Variants in NXF1 observed in about 807,000 individuals in gnomAD.
NXF1 encodes nuclear RNA export factor 1, also known as mRNA export factor TAP.
In NXF1, 43 loss-of-function variants were observed where a neutral mutation model predicts 92.4. The observed-to-expected ratio is 0.47, with a 90% CI of 0.36 to 0.60. NXF1 has a LOEUF of 0.60. Ranked by LOEUF, NXF1 falls within the 20% of genes least tolerant of loss-of-function variation. The pLI is 0.00. For missense variants in NXF1, 576 were observed against 793.0 expected (o/e 0.73, Z 3.29); for synonymous variants, 288 against 292.2 (o/e 0.99, Z 0.15).
chr11:62,797,122 G>T, intron 13 of NXF1, 61 bp downstream of exon 13: 1 of 1,385,088 alleles, frequency 7.2e-7, no homozygotes, highest in African/African-American at 1.4e-5. Flanking sequence ...ATGTGTGCCT[G>T]GGTCTGCCCA....
At chr11:62,798,833 G>C (rs1003030280) in intron 10 of NXF1, 1 of 1,292,608 alleles carries the variant, frequency 7.7e-7, no homozygotes, top group African/African-American at 1.5e-5. Context: ...TCCAAGCCCA[G>C]GCTTTAAGCC....
At chr11:62,805,163 G>A (rs2134785814) in intron 1 of NXF1, 166 bp downstream of exon 1, 2 of 503,946 alleles carry the variant, frequency 4.0e-6, no homozygotes, top group Non-Finnish European at 3.2e-6. Context: ...CAGGAATCCA[G>A]GAGTCAACAA....
intron 18 of NXF1, 35 bp downstream of exon 18, chr11:62,794,900 G>A (rs1156471377): frequency 1.3e-6 from 2 of 1,595,128 alleles, no homozygotes; most frequent in Admixed American, 3.3e-5. Flanking sequence ...CCATGGATTA[G>A]GACTGGTATC....
At chr11:62,795,651 C>T (rs951518691) in intron 17 of NXF1, among the ~76,000 whole-genome samples, 3 of 152,146 alleles carry the variant, frequency 2.0e-5, no homozygotes, top group Admixed American at 1.3e-4. Context: ...TCCACAGCCC[C>T]GCACAACCAA....
Position 62,805,404 on chromosome 11 carries a change from G to GCAAACAACCT in NXF1, c.-58_-49dup. On this transcript the variant is annotated 5_prime_UTR_variant, in exon 1 of 21. Transcript: ENST00000294172. ...GGCTCAGGCGCTGGCCGCTACGCCG[G>GCAAACAACCT]CAAACAACCTAACTCCCAAGCGCTC... 1 of 1,606,730 alleles carries GCAAACAACCT rather than the reference G, an allele frequency of 6.2e-7. No individual in the cohort carries two copies. Among genetic ancestry groups the GCAAACAACCT allele is most frequent in the Non-Finnish European group, 8.5e-7 (1 of 1,176,908 alleles).
At chr11:62,793,663 T>A (rs1485834660) in intron 19 of NXF1, among the ~76,000 whole-genome samples, 1 of 135,998 alleles carries the variant, frequency 7.4e-6, no homozygotes, top group African/African-American at 2.8e-5. Context: ...GGCATCAGAG[T>A]GAGACCCTGT....
chr11:62,805,415 A>T lies in NXF1; in HGVS notation c.-59T>A. On this transcript the variant is annotated 5_prime_UTR_variant, in exon 1 of 21. Transcript: ENST00000294172. Reference sequence around the variant, plus strand: ...TGGCCGCTACGCCGGCAAACAACCTAACTCCCAAGCGCTCAGGACCGAAGT... The same window carrying T: ...TGGCCGCTACGCCGGCAAACAACCTTACTCCCAAGCGCTCAGGACCGAAGT... 5 of 1,604,682 alleles carry T rather than the reference A, an allele frequency of 3.1e-6. No homozygotes were observed. The highest frequency in any genetic ancestry group is 4.3e-6 in the Non-Finnish European group (5 of 1,175,902).
intron 18 of NXF1, 107 bp from the exon 19 acceptor site, chr11:62,794,547 C>A: frequency 1.0e-6 from 1 of 964,786 alleles, no homozygotes; most frequent in South Asian, 1.6e-5. Context: ...CCCTCCCACT[C>A]TTAGCTATTG....
At chr11:62,799,927 G>GCCATCACAGTACAAAGGAGGGAAGGC in intron 10 of NXF1, 2 of 990,676 alleles carry the variant, frequency 2.0e-6, no homozygotes, top group South Asian at 9.1e-5. Context: ...GGCAAGAGGG[G>GCCATCACAGTACAAAGGAGGGAAGGC]CCATCACAGT....
Position 62,805,222 on chromosome 11 carries a change from G to T in NXF1, c.28+107C>A, listed in dbSNP as rs2084523069. The T allele has an allele frequency of 9.1e-6, 10 of 1,100,160 alleles. No homozygotes were observed. In the East Asian group the frequency reaches 3.0e-4, roughly 33 times the overall value. The allele number at this position is 1,100,160 out of a possible 1,614,324, so 68.1% of individuals were successfully genotyped here. On this transcript the variant is annotated intron_variant, in intron 1 of 20. Coordinates refer to ENST00000294172, the MANE Select transcript of NXF1 (RefSeq NM_006362.5). ...CGGCCCCCCGCGCGCCGCTCCCCGC[G>T]GACGCCGGGCCCCTAGCGGCCTCAC...
intron 10 of NXF1, chr11:62,799,981 G>T: frequency 2.0e-6 from 2 of 1,004,482 alleles, no homozygotes. Context: ...CCCAGGTAGG[G>T]AGGGCTTCCT....
rs765569650 is a variant in NXF1, at chr11:62,803,962, G to A, written c.45C>T (p.Arg15=). ...GKSYSEHDDE[R]VNFPQRKKKG... is the part of the protein sequence containing the mutation. ...TCTTCTTTCTTTGAGGGAAATTAAC[G>A]CGTTCATCATCGTGTTCTAGAGTTA... is the stretch of plus-strand genomic sequence containing the variant. Residue 15 remains arginine (R), a synonymous_variant, in exon 2 of 21, where the codon CGC becomes CGT. Coordinates refer to ENST00000294172, the MANE Select transcript of NXF1 (RefSeq NM_006362.5). The A allele has an allele frequency of 6.2e-6, 10 of 1,613,720 alleles. No individual in the cohort carries two copies. The South Asian group carries it at 7.7e-5, about 12-fold the overall frequency.
intron 6 of NXF1, 53 bp from the exon 7 acceptor site, chr11:62,801,684 G>C: frequency 6.2e-7 from 1 of 1,606,808 alleles, no homozygotes; most frequent in Admixed American, 1.7e-5. Flanking sequence ...TGGGGGGTGG[G>C]GGTGTGAGAA....
At chr11:62,798,474 C>T (rs559977047) in intron 11 of NXF1, 65 bp downstream of exon 11, 1 of 1,562,190 alleles carries the variant, frequency 6.4e-7, no homozygotes, top group Non-Finnish European at 8.6e-7. Flanking sequence ...AAAAAGAAAC[C>T]TATCCAGGAA....
chr11:62,797,412 AGT>A lies in NXF1; in HGVS notation c.1054-28_1054-27del, dbSNP rs756115961. On this transcript the variant is annotated intron_variant, in intron 11 of 20. Transcript: ENST00000294172. ...CTGTGGAAAGGAAGTAAAAGTTGAC[AGT>A]GTAGACTGGGCCCAGTGGCTCACAC... 7 of 1,606,096 alleles carry A rather than the reference AGT, an allele frequency of 4.4e-6. No individual in the cohort carries two copies. In the East Asian group the frequency reaches 1.6e-4, roughly 36 times the overall value.
In NXF1 at chr11:62,792,743, G is replaced by A. The variant is rs199915757; in HGVS notation, c.1761-42C>T. 117 of 1,600,110 alleles carry A rather than the reference G, an allele frequency of 7.3e-5. 1 individual carries two copies. In the African/African-American group the frequency reaches 1.1e-3, roughly 15 times the overall value. Reference sequence around the variant, plus strand: ...GGCAGCTCTGTAAGAACTCTGACTCGTAAATGCCAGCTGAAAGTCCACTCC... The same window carrying A: ...GGCAGCTCTGTAAGAACTCTGACTCATAAATGCCAGCTGAAAGTCCACTCC... On this transcript the variant is annotated intron_variant, in intron 19 of 20. Transcript: ENST00000294172.
Position 62,795,053 on chromosome 11 carries a change from T to C in NXF1, c.1505-46A>G, listed in dbSNP as rs1590949439. The C allele has an allele frequency of 3.9e-6, 6 of 1,555,706 alleles. No individual in the cohort carries two copies. The South Asian group carries it at 5.6e-5, about 14-fold the overall frequency. On this transcript the variant is annotated intron_variant, in intron 17 of 20. Coordinates refer to ENST00000294172, the MANE Select transcript of NXF1 (RefSeq NM_006362.5). ...ACACCTTAGGGTCACTAGTGCTTTA[T>C]GTTTACAAACAGCTTCTTGAATCAT...
intron 13 of NXF1, chr11:62,796,841 G>A (rs1415376776): frequency 1.9e-6 from 1 of 538,482 alleles, no homozygotes; most frequent in Admixed American, 3.2e-5. Flanking sequence ...GGAAGAGGCA[G>A]GTGGATCATG....
chr11:62,799,050 AG>A, intron 10 of NXF1: 1 of 994,440 alleles, frequency 1.0e-6, no homozygotes, highest in Non-Finnish European at 1.2e-6. Flanking sequence ...GGTGGGGCTC[AG>A]GAAGAGGAGA....
Sources: gnomAD v4.1 joint callset for allele counts (sites outside exome capture counted in the v4.1 genomes callset) on GRCh38, gnomAD v4.1.1 for gene constraint, MANE v1.5 for transcripts, NCBI Gene and HGNC (gene_info 2026-07-23, HGNC 2026-07-21) for gene names.